CNPY3: variants seen among roughly 807,000 people sequenced by gnomAD.
CNPY3 encodes canopy FGF signaling regulator 3.
Under a neutral mutation model 32.0 loss-of-function variants are expected in CNPY3, and 20 were observed. The ratio of observed to expected loss-of-function variants is 0.63; its 90% confidence interval spans 0.44 to 0.91. The LOEUF (loss-of-function observed/expected upper bound fraction) is 0.91, where lower values mean the gene tolerates loss of function less well. CNPY3 is among the 40% of genes least tolerant of loss of function. The probability of loss-of-function intolerance (pLI) is 0.00; values close to 1 mark genes in which losing one functional copy is unlikely to be tolerated. For missense variants in CNPY3, 299 were observed against 340.8 expected (o/e 0.88, Z 0.97); for synonymous variants, 138 against 142.9 (o/e 0.97, Z 0.24).
At chr6:42,935,060 G>T (rs1768118359) in intron 2 of CNPY3, among the ~76,000 whole-genome samples, 1 of 152,098 alleles carries the variant, frequency 6.6e-6, no homozygotes, top group Admixed American at 6.6e-5. Flanking sequence ...TAGAGATGGA[G>T]TTTCACCATG....
intron 1 of CNPY3, among the ~76,000 whole-genome samples, chr6:42,931,704 T>C (rs1042884413): frequency 6.6e-6 from 1 of 151,594 alleles, no homozygotes; most frequent in African/African-American, 2.4e-5. Context: ...CTCTTCTCTT[T>C]CTTTTCTGTC....
At chr6:42,930,598 TC>T (rs2114151339) in intron 1 of CNPY3, among the ~76,000 whole-genome samples, 1 of 152,308 alleles carries the variant, frequency 6.6e-6, no homozygotes, top group African/African-American at 2.4e-5. Context: ...TATTTCTTTT[TC>T]CTCAACTCCG....
At chr6:42,935,299 A>C (rs1044917547) in intron 2 of CNPY3, 3 of 440,030 alleles carry the variant, frequency 6.8e-6, no homozygotes, top group East Asian at 1.5e-4. Context: ...TTTTACTATC[A>C]AAATTTAATA....
intron 1 of CNPY3, 21 bp downstream of exon 1, chr6:42,929,742 G>C (rs1405871914): frequency 1.3e-6 from 2 of 1,536,022 alleles, no homozygotes; most frequent in South Asian, 2.4e-5. Context: ...GGGGCCCGTG[G>C]GGCGTATCCT....
In CNPY3 at chr6:42,929,654, G is replaced by A. The variant is rs1264576632; in HGVS notation, c.84G>A (p.Pro28=). The A allele has an allele frequency of 2.6e-6, 4 of 1,553,660 alleles. No individual in the cohort carries two copies. Among genetic ancestry groups the A allele is most frequent in the Middle Eastern group, 1.7e-4 (1 of 5,824 alleles). Residue 28 remains proline, a synonymous_variant, in exon 1 of 6, where the codon CCG becomes CCA. Coordinates refer to ENST00000372836, the MANE Select transcript of CNPY3 (RefSeq NM_006586.5). The part of the protein sequence containing the change: ...LLLLLLLLPA[P]ELGPSQAGAE... ...TGCTGCTGCTGCTGCTGCCGGCCCCGGAGCTGGGCCCGAGCCAGGCCGGAG... is the reference window on the plus strand; with the variant it reads ...TGCTGCTGCTGCTGCTGCCGGCCCCAGAGCTGGGCCCGAGCCAGGCCGGAG...
At chr6:42,933,269 T>G (rs1031725399) in intron 1 of CNPY3, among the ~76,000 whole-genome samples, 13 of 152,214 alleles carry the variant, frequency 8.5e-5, no homozygotes, top group Admixed American at 7.2e-4. Context: ...GTGGTAGCAC[T>G]GTAGCACTCT....
At chr6:42,935,129 A>G (rs1349135718) in intron 2 of CNPY3, among the ~76,000 whole-genome samples, 1 of 152,108 alleles carries the variant, frequency 6.6e-6, no homozygotes, top group Non-Finnish European at 1.5e-5. Flanking sequence ...CGGCCTCCCA[A>G]AGTGCTGGGA....
chr6:42,935,700 C>T (rs1768172983), intron 3 of CNPY3, 30 bp downstream of exon 3: 1 of 1,597,722 alleles, frequency 6.3e-7, no homozygotes, highest in Admixed American at 1.7e-5. Context: ...TTCATCCGCT[C>T]TGGGGTCAGG....
rs185024217 is a variant in CNPY3 at position 42,939,104 on chromosome 6, G to A, written c.*313G>A. Reference sequence around the variant, plus strand: ...GTCAGAACTGGGCACCAGGACTGGAGCCCCCTCCGGAGACCAAACTCACCA... The same window carrying A: ...GTCAGAACTGGGCACCAGGACTGGAACCCCCTCCGGAGACCAAACTCACCA... On this transcript the variant is annotated 3_prime_UTR_variant, in exon 6 of 6. Transcript: ENST00000372836. 2.6e-6 allele frequency: 3 copies of A among 1,146,134 alleles called. No homozygotes were observed. The highest frequency in any genetic ancestry group is 4.6e-5 in the East Asian group (1 of 21,660). The allele number at this position is 1,146,134 out of a possible 1,614,324, so 71.0% of individuals were successfully genotyped here. A position where few individuals can be genotyped will look rare whatever the true frequency, so the allele number is the denominator to read the frequency against.
In CNPY3 at chr6:42,934,503, G is replaced by A; in HGVS notation, c.180G>A (p.Lys60=). The change falls in exon 2 of 6, where the codon AAG becomes AAA. Residue 60 remains lysine (K), a synonymous_variant. Coordinates refer to ENST00000372836, the MANE Select transcript of CNPY3 (RefSeq NM_006586.5). ...EVCKYVAVEL[K]SAFEETGKTK... ...GTAAATATGTTGCTGTGGAGCTGAAGTCAGCCTTTGAGGAAACCGGCAAGA... is the reference window on the plus strand; with the variant it reads ...GTAAATATGTTGCTGTGGAGCTGAAATCAGCCTTTGAGGAAACCGGCAAGA... 1 of 1,614,118 alleles carries A rather than the reference G, an allele frequency of 6.2e-7. No individual in the cohort carries two copies. Among genetic ancestry groups the A allele is most frequent in the South Asian group, 1.1e-5 (1 of 91,086 alleles).
At chr6:42,937,273 T>G (rs1287211823) in intron 3 of CNPY3, among the ~76,000 whole-genome samples, 1 of 151,904 alleles carries the variant, frequency 6.6e-6, no homozygotes, top group Non-Finnish European at 1.5e-5. Flanking sequence ...GCAGGGGTTG[T>G]GGGAAGCAGG....
At chr6:42,933,455 A>G (rs1767982362) in intron 1 of CNPY3, among the ~76,000 whole-genome samples, 1 of 152,200 alleles carries the variant, frequency 6.6e-6, no homozygotes, top group Non-Finnish European at 1.5e-5. Flanking sequence ...GACAGTAGGA[A>G]CAAGAGCTCT....
intron 2 of CNPY3, 55 bp downstream of exon 2, chr6:42,934,653 G>A (rs1360729172): frequency 1.2e-6 from 2 of 1,605,686 alleles, no homozygotes; most frequent in African/African-American, 1.3e-5. Flanking sequence ...AGGCTTCAGG[G>A]GTTTGGAGTT....
upstream of CNPY3, among the ~76,000 whole-genome samples, chr6:42,928,094 TCTC>T (rs1767512856): frequency 6.6e-6 from 1 of 152,094 alleles, no homozygotes; most frequent in Non-Finnish European, 1.5e-5. Context: ...TTCAAGCAAT[TCTC>T]CTGCCTCCAC....
At chr6:42,938,259 C>G (rs1224216376) in intron 5 of CNPY3, 52 bp downstream of exon 5, 3 of 1,390,928 alleles carry the variant, frequency 2.2e-6, no homozygotes, top group Non-Finnish European at 3.1e-6. Context: ...TGTTTGCTCT[C>G]CCTTGGGGGA....
intron 3 of CNPY3, 45 bp downstream of exon 3, chr6:42,935,715 C>A: frequency 6.3e-7 from 1 of 1,576,136 alleles, no homozygotes; most frequent in Non-Finnish European, 8.7e-7. Flanking sequence ...GTCAGGCCTG[C>A]ATGTATCTTA....
chr6:42,938,404 G>C (rs925288332), intron 5 of CNPY3, among the ~76,000 whole-genome samples, 164 bp from the exon 6 acceptor site: 4 of 152,154 alleles, frequency 2.6e-5, no homozygotes, highest in African/African-American at 9.7e-5. Flanking sequence ...CAAGTCAGAT[G>C]CCCCCAGAGG....
chr6:42,938,086 A>G lies in CNPY3; in HGVS notation c.496-4A>G. ...TTGCCAATATGAGGTATTATGATTA[A>G]CAGTGTGATGTGCTGGTGGAAGAGT... On this transcript the variant is annotated splice_polypyrimidine_tract_variant and splice_region_variant and intron_variant, in intron 4 of 5. Transcript: ENST00000372836. The G allele has an allele frequency of 1.9e-6, 3 of 1,611,504 alleles. No individual in the cohort carries two copies. The highest frequency in any genetic ancestry group is 2.5e-6 in the Non-Finnish European group (3 of 1,177,622).
rs768775544 is a variant in CNPY3, at chr6:42,938,600, G to A, written c.646G>A (p.Gly216Arg). 12 of 1,602,560 alleles carry A rather than the reference G, an allele frequency of 7.5e-6. No homozygotes were observed. The highest frequency in any genetic ancestry group is 1.6e-4 in the Middle Eastern group (1 of 6,074). ...GGCAGAGCAGTGGTCCGGCAAGAAGGGAGACACAGCTGCCCTGGGAGGGAA... is the reference window on the plus strand; with the variant it reads ...GGCAGAGCAGTGGTCCGGCAAGAAGAGAGACACAGCTGCCCTGGGAGGGAA... ...CLAEQWSGKKGDTAALGGKKS... is the reference protein window; with the variant it reads ...CLAEQWSGKKRDTAALGGKKS... Residue 216 changes from glycine (G) to arginine (R), a missense_variant, in exon 6 of 6, where the codon GGA (glycine) becomes AGA (arginine). Coordinates refer to ENST00000372836, the MANE Select transcript of CNPY3 (RefSeq NM_006586.5).
Sources: allele counts gnomAD v4.1 joint callset (sites outside exome capture counted in the v4.1 genomes callset), GRCh38; gene constraint gnomAD v4.1.1; transcripts MANE v1.5; gene names NCBI Gene and HGNC (gene_info 2026-07-23, HGNC 2026-07-21).